The following TAFA2 variants were observed in gnomAD, a reference collection of about 807,000 sequenced individuals.
The protein encoded by TAFA2 is TAFA chemokine like family member 2.
In TAFA2, 7 loss-of-function variants were observed where a neutral mutation model predicts 18.8. That is an observed-to-expected ratio of 0.37 (90% CI 0.21 to 0.70). The LOEUF (loss-of-function observed/expected upper bound fraction) is 0.70. Among genes scored for constraint, TAFA2 ranks in the 30% least tolerant of loss-of-function variants. The probability of loss-of-function intolerance (pLI) is 0.53; values close to 1 mark genes in which losing one functional copy is unlikely to be tolerated. For missense variants in TAFA2, 122 were observed against 158.1 expected (o/e 0.77, Z 1.23); for synonymous variants, 60 against 54.2 (o/e 1.11, Z -0.47).
At chr12:61,976,076 C>A (rs1003792961) in intron 1 of TAFA2, among the ~76,000 whole-genome samples, 5 of 151,704 alleles carry the variant, frequency 3.3e-5, no homozygotes, top group African/African-American at 9.7e-5. Flanking sequence ...AATCACTTTA[C>A]CAAACGATAT....
At chr12:61,927,824 T>C (rs563179483) in intron 1 of TAFA2, among the ~76,000 whole-genome samples, 80 of 152,052 alleles carry the variant, frequency 5.3e-4, no homozygotes, top group Non-Finnish European at 1.2e-4. Flanking sequence ...TACAGACCAA[T>C]GAAACAGAAC....
chr12:62,072,026 G>T (rs1257815314), intron 1 of TAFA2, among the ~76,000 whole-genome samples: 1 of 152,112 alleles, frequency 6.6e-6, no homozygotes, highest in Non-Finnish European at 1.5e-5. Flanking sequence ...TACATTTCAG[G>T]TACTATTTTT....
intron 2 of TAFA2, among the ~76,000 whole-genome samples, chr12:61,850,863 T>C (rs949129499): frequency 6.6e-6 from 1 of 152,132 alleles, no homozygotes; most frequent in African/African-American, 2.4e-5. Context: ...TGGTAGAGAC[T>C]TTTCAAAAGT....
chr12:61,753,001 A>G (rs1268207206), intron 4 of TAFA2, among the ~76,000 whole-genome samples: 2 of 151,890 alleles, frequency 1.3e-5, no homozygotes, highest in Non-Finnish European at 2.9e-5. Flanking sequence ...GAACAAAGCT[A>G]TTTTTCAGTT....
chr12:61,997,020 A>G (rs1026575588), intron 1 of TAFA2, among the ~76,000 whole-genome samples: 6 of 152,250 alleles, frequency 3.9e-5, no homozygotes, highest in African/African-American at 1.4e-4. Flanking sequence ...GATTCTAGAA[A>G]TATATCAGTG....
At chr12:62,208,386 T>C (rs549913564) in intron 1 of TAFA2, among the ~76,000 whole-genome samples, 2 of 152,332 alleles carry the variant, frequency 1.3e-5, no homozygotes, top group African/African-American at 2.4e-5. Context: ...ATTAATGGGC[T>C]GAACATTAGG....
chr12:62,089,402 C>T (rs561790936), intron 1 of TAFA2, among the ~76,000 whole-genome samples: 2 of 151,950 alleles, frequency 1.3e-5, no homozygotes, highest in African/African-American at 2.4e-5. Flanking sequence ...ACTATGATTT[C>T]GAATATTACC....
chr12:61,992,590 A>G (rs1880049197), intron 1 of TAFA2, among the ~76,000 whole-genome samples: 1 of 152,126 alleles, frequency 6.6e-6, no homozygotes, highest in Admixed American at 6.5e-5. Context: ...CAAAATGTCT[A>G]AATGGTTTCC....
rs191286171 is a variant in TAFA2, at chr12:61,939,914, C to T, written c.-1-72488G>A. 2.4e-3 allele frequency among the ~76,000 whole-genome samples: 365 copies of T among 152,324 alleles called. 4 individuals carry two copies. Among genetic ancestry groups the T allele is most frequent in the African/African-American group, 8.4e-3 (348 of 41,570 alleles). On this transcript the variant is annotated intron_variant, in intron 1 of 4. Coordinates refer to ENST00000416284, the MANE Select transcript of TAFA2 (RefSeq NM_178539.5). Reference sequence around the variant, plus strand: ...TTTTGCCTTCTTTAAAATAGAACAGCTTACCTGCTTCCACCTACAGAGAAA... The same window carrying T: ...TTTTGCCTTCTTTAAAATAGAACAGTTTACCTGCTTCCACCTACAGAGAAA...
intron 1 of TAFA2, among the ~76,000 whole-genome samples, chr12:61,867,675 A>T (rs1874419333): frequency 6.6e-6 from 1 of 152,184 alleles, no homozygotes; most frequent in Non-Finnish European, 1.5e-5. Flanking sequence ...ACTTAACCAC[A>T]GCCTAAATCA....
chr12:61,733,748 C>T (rs1324360130), intron 4 of TAFA2, among the ~76,000 whole-genome samples: 15 of 151,928 alleles, frequency 9.9e-5, no homozygotes, highest in South Asian at 2.1e-4. Context: ...ATTGACTTGG[C>T]GATGCTGGCT....
chr12:61,785,533 G>A (rs755609596), intron 2 of TAFA2, among the ~76,000 whole-genome samples: 1 of 151,440 alleles, frequency 6.6e-6, no homozygotes, highest in Non-Finnish European at 1.5e-5. Flanking sequence ...GCAATGGCCA[G>A]ATTATTTCTA....
intron 1 of TAFA2, among the ~76,000 whole-genome samples, chr12:61,918,533 C>T (rs150716435): frequency 1.7e-3 from 256 of 152,172 alleles, no homozygotes; most frequent in African/African-American, 5.8e-3. Context: ...TGTATGTGTA[C>T]ATTTTCTTTA....
intron 2 of TAFA2, among the ~76,000 whole-genome samples, chr12:61,824,327 T>C (rs1872447565): frequency 6.6e-6 from 1 of 152,160 alleles, no homozygotes; most frequent in African/African-American, 2.4e-5. Flanking sequence ...CCTGGACTCC[T>C]GACCCACAGA....
chr12:62,169,165 C>A lies in TAFA2; in HGVS notation c.-2+22094G>T, dbSNP rs543197744. On this transcript the variant is annotated intron_variant, in intron 1 of 4. Transcript: ENST00000416284. ...TATTTACAAAATAAATGATAGATAT[C>A]TTGAACCTTCTACAAAATAATGGAT... Among the ~76,000 whole-genome samples the A allele has an allele frequency of 1.5e-4, 23 of 152,208 alleles. No individual in the cohort carries two copies. The South Asian group carries it at 4.6e-3, about 30-fold the overall frequency.
In TAFA2 at chr12:61,821,127, G is replaced by T. The variant is rs558589501; in HGVS notation, c.106+46193C>A. ...AGTGTTGACACTTCATTTGATAGGG[G>T]TACACACACACACACACACACACAC... is the stretch of plus-strand genomic sequence containing the variant. On this transcript the variant is annotated intron_variant, in intron 2 of 4. Transcript: ENST00000416284. 9.0e-3 allele frequency among the ~76,000 whole-genome samples: 587 copies of T among 65,354 alleles called. 3 individuals carry two copies. In the South Asian group the frequency reaches 0.1, roughly 11 times the overall value. 42.9% of individuals were successfully genotyped at this position (65,354 alleles called of 152,430 possible). A position where few individuals can be genotyped will look rare whatever the true frequency, so the allele number is the denominator to read the frequency against.
intron 2 of TAFA2, among the ~76,000 whole-genome samples, chr12:61,759,680 A>C (rs1391136476): frequency 6.6e-6 from 1 of 152,068 alleles, no homozygotes; most frequent in Non-Finnish European, 1.5e-5. Flanking sequence ...AGGAGGGTAC[A>C]CTTTCCAAAT....
intron 1 of TAFA2, among the ~76,000 whole-genome samples, chr12:62,244,478 A>G (rs2062876031): frequency 6.6e-6 from 1 of 152,150 alleles, no homozygotes; most frequent in Non-Finnish European, 1.5e-5. Flanking sequence ...ACCATCCACA[A>G]TCGTTTACTA....
chr12:61,770,327 G>C (rs1869973428), intron 2 of TAFA2, among the ~76,000 whole-genome samples: 1 of 152,006 alleles, frequency 6.6e-6, no homozygotes, highest in Non-Finnish European at 1.5e-5. Flanking sequence ...AAAATAATAG[G>C]GGAAATCTTC....
Sources: gnomAD v4.1 joint callset for allele counts (sites outside exome capture counted in the v4.1 genomes callset) on GRCh38, gnomAD v4.1.1 for gene constraint, MANE v1.5 for transcripts, NCBI Gene and HGNC (gene_info 2026-07-23, HGNC 2026-07-21) for gene names.